CLDN2: variants seen among roughly 807,000 people sequenced by gnomAD.
CLDN2 encodes the protein claudin-2.
In CLDN2, 1 loss-of-function variant was observed where a neutral mutation model predicts 8.2. The ratio of observed to expected loss-of-function variants is 0.12; its 90% CI spans 0.04 to 0.58. The LOEUF is 0.58. Ranked by LOEUF, CLDN2 falls within the 20% of genes least tolerant of loss-of-function variation. CLDN2 has a pLI of 0.90. For synonymous variants in CLDN2, 70 were observed against 70.2 expected, an observed-to-expected ratio of 1.00 and a Z score of 0.01; for missense variants, 108 against 172.9, an observed-to-expected ratio of 0.62 and a Z score of 2.11.
chrX:106,913,557 T>C (rs1188744228), upstream of CLDN2, among the ~76,000 whole-genome samples: 2 of 112,541 alleles, frequency 1.8e-5, no homozygotes, highest in Admixed American at 1.9e-4. Context: ...ATTGCTGCCA[T>C]AACAAATTAC....
intron 1 of CLDN2, among the ~76,000 whole-genome samples, chrX:106,909,166 G>A (rs749279253): frequency 3.6e-5 from 4 of 112,211 alleles, no homozygotes; most frequent in Admixed American, 9.4e-5. Context: ...ACATTTATAC[G>A]CCAGGCATTA....
At chrX:106,901,598 T>C in intron 1 of CLDN2, 1 of 1,105,235 alleles carries the variant, frequency 9.0e-7, no homozygotes. Flanking sequence ...CTTCCTCCTC[T>C]GTACTAGAGG....
upstream of CLDN2, among the ~76,000 whole-genome samples, chrX:106,915,145 A>T (rs1330715747): frequency 8.9e-6 from 1 of 112,682 alleles, no homozygotes; most frequent in Non-Finnish European, 1.9e-5. Context: ...TCTTTCATTC[A>T]GCATAATACA....
At chrX:106,903,082 A>T (rs760706557) in intron 1 of CLDN2, 2 of 1,189,486 alleles carry the variant, frequency 1.7e-6, no homozygotes, top group Admixed American at 4.4e-5. Context: ...TTCCTCTCTC[A>T]GGAAGCTCTC....
chrX:106,921,507 T>C (rs1323855164), intron 1 of CLDN2, among the ~76,000 whole-genome samples: 2 of 111,625 alleles, frequency 1.8e-5, no homozygotes, highest in Non-Finnish European at 3.8e-5. Context: ...AGAAGAGGGC[T>C]GTGGTGGCCA....
At chrX:106,922,040 C>T (rs1266888940) in intron 1 of CLDN2, among the ~76,000 whole-genome samples, 1 of 112,215 alleles carries the variant, frequency 8.9e-6, no homozygotes, top group Non-Finnish European at 1.9e-5. Flanking sequence ...AAACTAGGGC[C>T]TAGAGAAGCT....
At chrX:106,917,590 CT>C (rs1436974527), upstream of CLDN2, among the ~76,000 whole-genome samples, 2 of 110,914 alleles carry the variant, frequency 1.8e-5, no homozygotes, top group East Asian at 5.7e-4. Flanking sequence ...TCCTTAGAGT[CT>C]CTTACTTCTC....
intron 1 of CLDN2, among the ~76,000 whole-genome samples, chrX:106,911,021 A>G (rs1933241413): frequency 8.9e-6 from 1 of 112,235 alleles, no homozygotes; most frequent in African/African-American, 3.2e-5. Context: ...GGTGACTATT[A>G]TGATTGTTCC....
upstream of CLDN2, among the ~76,000 whole-genome samples, chrX:106,914,045 C>T (rs1017042037): frequency 7.5e-5 from 8 of 106,115 alleles, no homozygotes; most frequent in Non-Finnish European, 1.2e-4. Flanking sequence ...CTCCACCTCC[C>T]GGGCTCAAGT....
chrX:106,930,661 T>G lies in CLDN2; in HGVS notation c.*1740T>G, dbSNP rs926512216. On this transcript the variant is annotated 3_prime_UTR_variant, in exon 2 of 2. Transcript: ENST00000336803. ...CTCCTACCCCTCCCTCCCCCAACCC[T>G]CAATGTATAAATTGCTTCTTGATGC... 1.6e-5 allele frequency: 2 copies of G among 122,348 alleles called. No individual in the cohort carries two copies. Among genetic ancestry groups the G allele is most frequent in the African/African-American group, 3.3e-5 (1 of 30,570 alleles). The allele number at this position is 122,348 out of a possible 1,213,427, so 10.1% of individuals were successfully genotyped here.
upstream of CLDN2, among the ~76,000 whole-genome samples, chrX:106,919,379 G>A (rs972596064): frequency 9.0e-6 from 1 of 111,391 alleles, no homozygotes; most frequent in African/African-American, 3.3e-5. Flanking sequence ...GCTTTTTTGC[G>A]TTGGGAGAGT....
chrX:106,901,221 C>T (rs1933088269), intron 1 of CLDN2, among the ~76,000 whole-genome samples: 1 of 112,124 alleles, frequency 8.9e-6, no homozygotes, highest in Non-Finnish European at 1.9e-5. Flanking sequence ...AGCCCTATGG[C>T]CCCATCTCCT....
chrX:106,906,333 G>A (rs1933177916), intron 1 of CLDN2, among the ~76,000 whole-genome samples: 1 of 111,069 alleles, frequency 9.0e-6, no homozygotes, highest in East Asian at 2.8e-4. Flanking sequence ...AAGTGCCATG[G>A]ACTCTGCCTC....
At position 106,927,381 on chromosome X, in the gene CLDN2, T is replaced by C. The variant is rs946792938; in HGVS notation, c.-178-670T>C. 2.7e-5 allele frequency among the ~76,000 whole-genome samples: 3 copies of C among 111,025 alleles called. No individual in the cohort carries two copies. In the South Asian group the frequency reaches 1.2e-3, roughly 44 times the overall value. On this transcript the variant is annotated intron_variant, in intron 1 of 1. Coordinates refer to ENST00000336803, the MANE Select transcript of CLDN2 (RefSeq NM_020384.4). ...ACCCTTGTTCCAGAGTGCTCCCTCATCATCCAAGAGGCTGATGATGGGAGC... is the reference window on the plus strand; with the variant it reads ...ACCCTTGTTCCAGAGTGCTCCCTCACCATCCAAGAGGCTGATGATGGGAGC...
intron 1 of CLDN2, chrX:106,903,410 G>A: frequency 2.6e-6 from 2 of 756,948 alleles, no homozygotes; most frequent in Non-Finnish European, 3.6e-6. Context: ...GGGAGGACAG[G>A]GGTGGGATGA....
At chrX:106,927,392 G>A (rs1933484259) in intron 1 of CLDN2, among the ~76,000 whole-genome samples, 1 of 111,066 alleles carries the variant, frequency 9.0e-6, no homozygotes, top group Non-Finnish European at 1.9e-5. Context: ...CATCCAAGAG[G>A]CTGATGATGG....
intron 1 of CLDN2, among the ~76,000 whole-genome samples, chrX:106,901,698 C>A (rs1199881697): frequency 8.9e-6 from 1 of 111,796 alleles, no homozygotes; most frequent in Non-Finnish European, 1.9e-5. Context: ...AACAAGGGGT[C>A]TCTCTTGGTT....
chrX:106,911,257 G>A (rs1933244215), intron 1 of CLDN2, among the ~76,000 whole-genome samples: 1 of 111,941 alleles, frequency 8.9e-6, no homozygotes, highest in Admixed American at 9.4e-5. Flanking sequence ...TTCCTTTTCT[G>A]TCCCACATAC....
At chrX:106,916,365 T>C (rs989666931), upstream of CLDN2, among the ~76,000 whole-genome samples, 1 of 110,632 alleles carries the variant, frequency 9.0e-6, no homozygotes, top group Non-Finnish European at 1.9e-5. Flanking sequence ...AGGGAGAGCA[T>C]TGTAGGCTTG....
Sources: allele counts gnomAD v4.1 joint callset (sites outside exome capture counted in the v4.1 genomes callset), GRCh38; gene constraint gnomAD v4.1.1; transcripts MANE v1.5; gene names NCBI Gene and HGNC (gene_info 2026-07-23, HGNC 2026-07-21).